Variants in GBE1 observed in about 807,000 individuals in gnomAD.
GBE1 encodes 1,4-alpha-glucan-branching enzyme.
GBE1 carries 70 observed loss-of-function variants against 88.8 expected under a neutral mutation model. That is an observed-to-expected ratio of 0.79 (90% CI 0.65 to 0.96). The LOEUF (loss-of-function observed/expected upper bound fraction) is 0.96. GBE1 is among the 40% of genes least tolerant of loss of function. GBE1 has a pLI of 0.00. For missense variants in GBE1, 872 were observed against 871.0 expected (o/e 1.00, Z -0.01); for synonymous variants, 284 against 300.1 (o/e 0.95, Z 0.56).
chr3:81,492,074 A>G, intron 15 of GBE1, among the ~76,000 whole-genome samples: 1 of 152,234 alleles, frequency 6.6e-6, no homozygotes. Flanking sequence ...TCTGCAAAAG[A>G]TTAACAAATG....
chr3:81,581,100 T>TA (rs1161825397), intron 11 of GBE1, 65 bp downstream of exon 11: 18 of 892,846 alleles, frequency 2.0e-5, no homozygotes, highest in Non-Finnish European at 3.2e-5. Flanking sequence ...AATATGTTAT[T>TA]AAGGAGAGGG....
intron 1 of GBE1, among the ~76,000 whole-genome samples, chr3:81,754,710 G>T (rs1385162888): frequency 6.6e-6 from 1 of 152,010 alleles, no homozygotes; most frequent in Non-Finnish European, 1.5e-5. Context: ...AAGGTGCCAA[G>T]AACTTAAAAT....
chr3:81,729,498 T>C (rs1706157890), intron 1 of GBE1, among the ~76,000 whole-genome samples: 1 of 152,230 alleles, frequency 6.6e-6, no homozygotes, highest in Non-Finnish European at 1.5e-5. Context: ...AGTACAGTTC[T>C]ACATTGACTT....
chr3:81,720,217 T>C (rs1008576098), intron 1 of GBE1, among the ~76,000 whole-genome samples: 1 of 152,076 alleles, frequency 6.6e-6, no homozygotes, highest in East Asian at 1.9e-4. Context: ...TGCCTACATA[T>C]TGGCAAGATC....
At chr3:81,755,298 A>T (rs1706587037) in intron 1 of GBE1, among the ~76,000 whole-genome samples, 1 of 152,194 alleles carries the variant, frequency 6.6e-6, no homozygotes, top group South Asian at 2.1e-4. Context: ...AATAGCTTGT[A>T]TCAAAAACAT....
chr3:81,680,669 C>A (rs565758393), intron 2 of GBE1, among the ~76,000 whole-genome samples: 1 of 152,224 alleles, frequency 6.6e-6, no homozygotes, highest in South Asian at 2.1e-4. Flanking sequence ...TGTATGCCCC[C>A]CAAATTCATG....
intron 3 of GBE1, among the ~76,000 whole-genome samples, chr3:81,655,345 C>T (rs571852166): frequency 5.3e-5 from 8 of 151,736 alleles, no homozygotes; most frequent in African/African-American, 1.9e-4. Context: ...TGCACCCGGC[C>T]TATAATTAAT....
At chr3:81,575,127 G>A (rs1357908084) in intron 12 of GBE1, among the ~76,000 whole-genome samples, 1 of 150,634 alleles carries the variant, frequency 6.6e-6, no homozygotes, top group Non-Finnish European at 1.5e-5. Context: ...ATTGCATCAC[G>A]GCACTCCAGC....
Position 81,577,951 on chromosome 3 carries a change from C to A in GBE1, c.1592G>T (p.Gly531Val). 1 of 1,601,886 alleles carries A rather than the reference C, an allele frequency of 6.2e-7. No homozygotes were observed. The highest frequency in any genetic ancestry group is 8.5e-7 in the Non-Finnish European group (1 of 1,175,542). Residue 531 changes from glycine (G) to valine (V), a missense_variant, in exon 12 of 16, where the codon GGT becomes GTT. By Grantham distance (109) the Gly-to-Val change is moderately radical (BLOSUM62 -3). Coordinates refer to ENST00000429644, the MANE Select transcript of GBE1 (RefSeq NM_000158.4). ...CATGAAATTGAGATAGCCTTCTCCA[C>A]CAAGCCCATGCGTAATGAGTCGAAT... ...KMIRLITHGLGGEGYLNFMGN... is the reference protein window; with the variant it reads ...KMIRLITHGLVGEGYLNFMGN...
intron 2 of GBE1, among the ~76,000 whole-genome samples, chr3:81,689,669 TCCA>T (rs1272818853): frequency 6.6e-6 from 1 of 152,162 alleles, no homozygotes; most frequent in Non-Finnish European, 1.5e-5. Context: ...GCGAGTCCAC[TCCA>T]CCATTTTGAA....
intron 3 of GBE1, among the ~76,000 whole-genome samples, chr3:81,659,995 G>C (rs1705000277): frequency 6.6e-6 from 1 of 152,012 alleles, no homozygotes; most frequent in Non-Finnish European, 1.5e-5. Flanking sequence ...TCTGTATTTT[G>C]CCAGGTATAG....
At chr3:81,561,887 T>G (rs932725606) in intron 12 of GBE1, among the ~76,000 whole-genome samples, 5 of 152,062 alleles carry the variant, frequency 3.3e-5, no homozygotes, top group African/African-American at 1.2e-4. Context: ...ACACAGAGGA[T>G]CAGCATGGAG....
At chr3:81,585,464 A>C (rs1703790368) in intron 10 of GBE1, among the ~76,000 whole-genome samples, 1 of 152,128 alleles carries the variant, frequency 6.6e-6, no homozygotes, top group African/African-American at 2.4e-5. Flanking sequence ...TCTATATCAA[A>C]CCTAAGTCTA....
At chr3:81,737,311 TTA>T (rs1164799066) in intron 1 of GBE1, among the ~76,000 whole-genome samples, 205 of 110,786 alleles carry the variant, frequency 1.9e-3, no homozygotes, top group African/African-American at 7.3e-3. Flanking sequence ...AAATATATAT[TTA>T]TATATATTTA....
chr3:81,633,522 G>A (rs985369080), intron 7 of GBE1, among the ~76,000 whole-genome samples: 7 of 152,164 alleles, frequency 4.6e-5, no homozygotes, highest in African/African-American at 7.2e-5. Context: ...AGCATTAAAA[G>A]AAACAAGGTT....
chr3:81,699,165 A>G (rs1225392033), intron 2 of GBE1, among the ~76,000 whole-genome samples: 2 of 152,094 alleles, frequency 1.3e-5, no homozygotes, highest in Non-Finnish European at 2.9e-5. Context: ...TTTCCAATAA[A>G]CTTAATTGAA....
chr3:81,558,554 T>C (rs143542319), intron 12 of GBE1, among the ~76,000 whole-genome samples: 80 of 152,110 alleles, frequency 5.3e-4, no homozygotes, highest in African/African-American at 1.9e-3. Context: ...AATAATTATA[T>C]CAGCTTCTTA....
intron 3 of GBE1, among the ~76,000 whole-genome samples, chr3:81,650,734 A>G (rs1301746665): frequency 6.6e-6 from 1 of 152,208 alleles, no homozygotes; most frequent in Non-Finnish European, 1.5e-5. Flanking sequence ...GTGCGATCGC[A>G]GCTCACTGCA....
rs1473317634 is a variant in GBE1, at chr3:81,681,316, G to C, written c.314-10363C>G. On this transcript the variant is annotated intron_variant, in intron 2 of 15. Transcript: ENST00000429644. ...CCAGTAGGGGGGCTCTTTTTAGACA[G>C]GGAGCACACTGTAGTTCCCTGTTAC... Among the ~76,000 whole-genome samples the C allele has an allele frequency of 2.0e-5, 3 of 152,166 alleles. No individual in the cohort carries two copies. In the East Asian group the frequency reaches 5.8e-4, roughly 29 times the overall value.
Sources: gnomAD v4.1 joint callset for allele counts (sites outside exome capture counted in the v4.1 genomes callset) on GRCh38, gnomAD v4.1.1 for gene constraint, MANE v1.5 for transcripts, NCBI Gene and HGNC (gene_info 2026-07-23, HGNC 2026-07-21) for gene names.